Variants in RIC8B observed in about 807,000 individuals in gnomAD.
The protein encoded by RIC8B is RIC8 guanine nucleotide exchange factor B, also known as chaperone Ric-8B.
A neutral mutation model predicts 57.5 loss-of-function variants in RIC8B; 16 were observed. That is an observed-to-expected ratio of 0.28 (90% CI 0.19 to 0.42). The LOEUF (loss-of-function observed/expected upper bound fraction) is 0.42. Among genes scored for constraint, RIC8B ranks in the 10% least tolerant of loss-of-function variants. The probability of loss-of-function intolerance (pLI) is 1.00; values close to 1 mark genes in which losing one functional copy is unlikely to be tolerated. For synonymous variants in RIC8B, 216 were observed against 250.8 expected, an observed-to-expected ratio of 0.86 and a Z score of 1.31; for missense variants, 481 against 677.0, an observed-to-expected ratio of 0.71 and a Z score of 3.21.
At chr12:106,857,737 A>G (rs1296998270) in intron 7 of RIC8B, among the ~76,000 whole-genome samples, 1 of 152,214 alleles carries the variant, frequency 6.6e-6, no homozygotes, top group African/African-American at 2.4e-5. Flanking sequence ...CTTTCCCAGT[A>G]TCAAATAGGA....
chr12:106,774,900 C>T, intron 1 of RIC8B, 71 bp downstream of exon 1: 2 of 1,118,834 alleles, frequency 1.8e-6, no homozygotes, highest in Non-Finnish European at 2.6e-6. Flanking sequence ...ACATCGCATC[C>T]TTCCCCACCC....
intron 9 of RIC8B, 34 bp from the exon 10 acceptor site, chr12:106,885,870 C>CTT (rs754167847): frequency 1.4e-6 from 2 of 1,433,140 alleles, no homozygotes; most frequent in South Asian, 1.1e-5. Flanking sequence ...CTGGTGAATA[C>CTT]TTTTTTTTCT....
chr12:106,842,386 T>C (rs1262872205), intron 4 of RIC8B, among the ~76,000 whole-genome samples: 1 of 152,236 alleles, frequency 6.6e-6, no homozygotes, highest in Non-Finnish European at 1.5e-5. Flanking sequence ...ATTTGTTTTT[T>C]TTCTAATTTG....
chr12:106,857,079 G>A (rs986203422), intron 7 of RIC8B, among the ~76,000 whole-genome samples: 36 of 152,144 alleles, frequency 2.4e-4, no homozygotes, highest in Admixed American at 2.0e-3. Flanking sequence ...GCCAGAAAAC[G>A]AGCCCTTTAG....
intron 8 of RIC8B, among the ~76,000 whole-genome samples, chr12:106,869,064 T>A (rs897895706): frequency 1.3e-5 from 2 of 152,146 alleles, no homozygotes; most frequent in African/African-American, 4.8e-5. Flanking sequence ...TCTACTTGGC[T>A]ATTCCCATCC....
chr12:106,799,311 G>A (rs1019044796), intron 2 of RIC8B, among the ~76,000 whole-genome samples: 1 of 152,146 alleles, frequency 6.6e-6, no homozygotes, highest in Non-Finnish European at 1.5e-5. Context: ...CCATCTTTAT[G>A]ATGTAATGTG....
chr12:106,871,000 T>A, intron 9 of RIC8B, 58 bp downstream of exon 9: 1 of 1,504,956 alleles, frequency 6.6e-7, no homozygotes. Context: ...TTTCTTTGTC[T>A]CTCTCACTGA....
At chr12:106,817,916 C>T (rs1324531063) in intron 3 of RIC8B, among the ~76,000 whole-genome samples, 1 of 151,668 alleles carries the variant, frequency 6.6e-6, no homozygotes, top group Non-Finnish European at 1.5e-5. Context: ...GCTTGATTGT[C>T]CGACAAAAGA....
In RIC8B at chr12:106,842,517, T is replaced by C. The variant is rs1166491704; in HGVS notation, c.837-72T>C. 1.3e-5 allele frequency: 16 copies of C among 1,259,398 alleles called. No individual in the cohort carries two copies. The East Asian group carries it at 3.8e-4, about 30-fold the overall frequency. 78.0% of individuals were successfully genotyped at this position (1,259,398 alleles called of 1,614,324 possible). A position where few individuals can be genotyped will look rare whatever the true frequency, so the allele number is the denominator to read the frequency against. On this transcript the variant is annotated intron_variant, in intron 4 of 9. Coordinates refer to ENST00000392837, the MANE Select transcript of RIC8B (RefSeq NM_001330145.2). ...GACTCTTAAAAGTCACTTTTGAACT[T>C]CTTATTATGTTTGCATTTTAAAGGA...
chr12:106,843,185 C>CA (rs1259216190), intron 5 of RIC8B, among the ~76,000 whole-genome samples: 10 of 151,328 alleles, frequency 6.6e-5, no homozygotes, highest in Admixed American at 3.3e-4. Context: ...GACATCTTCC[C>CA]AAAAAAAAGA....
chr12:106,789,041 T>C (rs2044154880), intron 2 of RIC8B, among the ~76,000 whole-genome samples: 1 of 152,218 alleles, frequency 6.6e-6, no homozygotes, highest in African/African-American at 2.4e-5. Flanking sequence ...ACCTCTTGAA[T>C]GTGTTGCTGC....
At chr12:106,845,976 T>C (rs1005559250) in intron 6 of RIC8B, among the ~76,000 whole-genome samples, 10 of 152,176 alleles carry the variant, frequency 6.6e-5, no homozygotes, top group Non-Finnish European at 1.3e-4. Flanking sequence ...ATAGAGAACC[T>C]CTTTGTTGAT....
At chr12:106,866,242 GCAGT>G (rs1307897203) in intron 8 of RIC8B, among the ~76,000 whole-genome samples, 1 of 152,088 alleles carries the variant, frequency 6.6e-6, no homozygotes, top group Non-Finnish European at 1.5e-5. Flanking sequence ...CACACAGTAG[GCAGT>G]CAGTAAATTT....
At chr12:106,835,789 A>G (rs1012654652) in intron 4 of RIC8B, among the ~76,000 whole-genome samples, 13 of 152,250 alleles carry the variant, frequency 8.5e-5, no homozygotes, top group African/African-American at 1.2e-4. Flanking sequence ...TACAGAAAAG[A>G]GAGTATGTCT....
At chr12:106,837,889 A>G (rs1006616939) in intron 4 of RIC8B, among the ~76,000 whole-genome samples, 1 of 150,868 alleles carries the variant, frequency 6.6e-6, no homozygotes, top group African/African-American at 2.4e-5. Context: ...TGATCCACCC[A>G]CCTCAGCCTC....
At chr12:106,790,407 A>G (rs953680003) in intron 2 of RIC8B, among the ~76,000 whole-genome samples, 5 of 152,238 alleles carry the variant, frequency 3.3e-5, no homozygotes, top group African/African-American at 1.2e-4. Context: ...GTCAGATACA[A>G]CGGCTAATGT....
intron 4 of RIC8B, among the ~76,000 whole-genome samples, chr12:106,836,277 C>A (rs2046596157): frequency 1.3e-5 from 2 of 152,172 alleles, no homozygotes; most frequent in South Asian, 4.2e-4. Flanking sequence ...ACACTCACTC[C>A]TTTACTGATC....
At chr12:106,865,146 A>G (rs1950090411) in intron 8 of RIC8B, among the ~76,000 whole-genome samples, 1 of 152,266 alleles carries the variant, frequency 6.6e-6, no homozygotes, top group Admixed American at 6.5e-5. Context: ...ATCACATGGT[A>G]GGTAGTTCTT....
chr12:106,871,493 A>AAAAAC (rs1566169442), intron 9 of RIC8B: 9 of 134,806 alleles, frequency 6.7e-5, no homozygotes, highest in African/African-American at 2.7e-4. Context: ...AAAAAAAAAA[A>AAAAAC]AAAAACCAAA....
Sources: allele counts gnomAD v4.1 joint callset (sites outside exome capture counted in the v4.1 genomes callset), GRCh38; gene constraint gnomAD v4.1.1; transcripts MANE v1.5; gene names NCBI Gene and HGNC (gene_info 2026-07-23, HGNC 2026-07-21).